Variants in ITPR2 observed in about 807,000 individuals in gnomAD.
ITPR2 encodes the protein inositol 1,4,5-trisphosphate receptor type 2.
ITPR2 carries 207 observed loss-of-function variants against 317.1 expected under a neutral mutation model. The observed-to-expected ratio is 0.65, with a 90% CI of 0.58 to 0.73. ITPR2 has a LOEUF of 0.73. Ranked by LOEUF, ITPR2 falls within the 30% of genes least tolerant of loss-of-function variation. ITPR2 has a pLI of 0.00. For missense variants in ITPR2, 2,613 were observed against 3,284.0 expected, an observed-to-expected ratio of 0.80 and a Z score of 4.99; for synonymous variants, 1,156 against 1,149.1, an observed-to-expected ratio of 1.01 and a Z score of -0.12.
intron 2 of ITPR2, 98 bp from the exon 3 acceptor site, chr12:26,725,863 TATA>T: frequency 1.3e-6 from 1 of 760,278 alleles, no homozygotes; most frequent in Non-Finnish European, 2.3e-6. Context: ...AATCCCTGAT[TATA>T]CAGAACAGTT....
At chr12:26,470,705 A>G (rs1167992419) in intron 45 of ITPR2, among the ~76,000 whole-genome samples, 4 of 152,212 alleles carry the variant, frequency 2.6e-5, no homozygotes, top group Admixed American at 2.0e-4. Flanking sequence ...TTTAGGATTC[A>G]GTAAGACAAG....
chr12:26,554,575 T>C (rs1481530825), intron 36 of ITPR2, among the ~76,000 whole-genome samples: 1 of 152,140 alleles, frequency 6.6e-6, no homozygotes, highest in Non-Finnish European at 1.5e-5. Context: ...TTTACAGAAA[T>C]GAGTAGCAGG....
Position 26,692,259 on chromosome 12 carries a change from G to T in ITPR2, c.996+3347C>A, listed in dbSNP as rs1028486726. 2.0e-5 allele frequency among the ~76,000 whole-genome samples: 3 copies of T among 152,320 alleles called. No individual in the cohort carries two copies. In the South Asian group the frequency reaches 6.2e-4, roughly 32 times the overall value. ...AGGGAATGATATTTGCCCCCAGGGG[G>T]CATTGGCAATTTCTGGGCACATTGT... On this transcript the variant is annotated intron_variant, in intron 10 of 56. Coordinates refer to ENST00000381340, the MANE Select transcript of ITPR2 (RefSeq NM_002223.4).
chr12:26,815,392 A>G (rs1950834648), intron 1 of ITPR2, among the ~76,000 whole-genome samples: 1 of 152,218 alleles, frequency 6.6e-6, no homozygotes, highest in Non-Finnish European at 1.5e-5. Flanking sequence ...AAAACATGCA[A>G]AAGATATTCT....
At chr12:26,404,643 C>T (rs1940289280) in intron 52 of ITPR2, among the ~76,000 whole-genome samples, 1 of 151,962 alleles carries the variant, frequency 6.6e-6, no homozygotes, top group African/African-American at 2.4e-5. Context: ...AAATTTGGTA[C>T]TGAAGGAAGG....
intron 55 of ITPR2, among the ~76,000 whole-genome samples, chr12:26,355,235 C>T (rs1351023690): frequency 6.6e-6 from 1 of 152,192 alleles, no homozygotes; most frequent in East Asian, 1.9e-4. Flanking sequence ...ACTCATCGTA[C>T]ATGCTGATTT....
intron 32 of ITPR2, among the ~76,000 whole-genome samples, chr12:26,581,192 T>C (rs1565618342): frequency 6.6e-6 from 1 of 152,186 alleles, no homozygotes; most frequent in African/African-American, 2.4e-5. Context: ...TGATATTGTT[T>C]TAAAAGCTTT....
At chr12:26,743,664 G>C (rs370415038) in intron 2 of ITPR2, among the ~76,000 whole-genome samples, 7 of 152,138 alleles carry the variant, frequency 4.6e-5, no homozygotes, top group Admixed American at 3.3e-4. Flanking sequence ...AGGCCGAGGC[G>C]GGGGGATCAC....
intron 47 of ITPR2, among the ~76,000 whole-genome samples, chr12:26,436,816 G>T (rs1349643310): frequency 6.6e-6 from 1 of 152,152 alleles, no homozygotes; most frequent in Non-Finnish European, 1.5e-5. Context: ...AAATTCCTAT[G>T]ACAGTCACAG....
At chr12:26,466,328 T>C (rs1942170202) in intron 45 of ITPR2, among the ~76,000 whole-genome samples, 1 of 152,192 alleles carries the variant, frequency 6.6e-6, no homozygotes, top group African/African-American at 2.4e-5. Context: ...AGTAAAAAGT[T>C]GGTCATTAAT....
intron 45 of ITPR2, among the ~76,000 whole-genome samples, chr12:26,453,705 T>A (rs943643867): frequency 6.6e-6 from 1 of 152,226 alleles, no homozygotes; most frequent in African/African-American, 2.4e-5. Flanking sequence ...GACCAGGTAA[T>A]ATTACTTGAG....
At chr12:26,703,276 A>G (rs1438248841) in intron 9 of ITPR2, among the ~76,000 whole-genome samples, 3 of 152,216 alleles carry the variant, frequency 2.0e-5, no homozygotes, top group Non-Finnish European at 4.4e-5. Context: ...AGTGGAAACA[A>G]TGGCAAAAGA....
At chr12:26,534,168 T>C (rs1296136163) in intron 37 of ITPR2, among the ~76,000 whole-genome samples, 1 of 152,232 alleles carries the variant, frequency 6.6e-6, no homozygotes, top group East Asian at 1.9e-4. Context: ...GGCTCTGTCA[T>C]GGGATAGTTC....
chr12:26,828,252 CACA>C (rs36040722), intron 1 of ITPR2, among the ~76,000 whole-genome samples: 30,217 of 152,056 alleles, frequency 0.2, 3,047 homozygotes, highest in Non-Finnish European at 0.22. Flanking sequence ...ATAATGACCC[CACA>C]ACAAGACAAT....
At chr12:26,472,444 T>C (rs1326345877) in intron 45 of ITPR2, among the ~76,000 whole-genome samples, 2 of 152,278 alleles carry the variant, frequency 1.3e-5, no homozygotes, top group East Asian at 3.9e-4. Context: ...TGGACCTTCG[T>C]TGCTCTACAA....
chr12:26,446,321 T>C (rs2136747021), intron 45 of ITPR2, among the ~76,000 whole-genome samples: 1 of 151,978 alleles, frequency 6.6e-6, no homozygotes, highest in Non-Finnish European at 1.5e-5. Context: ...ACGCATGGAG[T>C]AGAGAGTTGT....
intron 1 of ITPR2, among the ~76,000 whole-genome samples, chr12:26,810,521 G>A (rs1393060158): frequency 6.6e-6 from 1 of 152,184 alleles, no homozygotes; most frequent in African/African-American, 2.4e-5. Flanking sequence ...TTCCCTGACT[G>A]ACTCGATTCC....
intron 28 of ITPR2, among the ~76,000 whole-genome samples, chr12:26,601,917 T>A (rs1323290859): frequency 6.6e-6 from 1 of 152,188 alleles, no homozygotes; most frequent in East Asian, 1.9e-4. Context: ...CAAAGATGCC[T>A]AACTGTATTA....
intron 48 of ITPR2, among the ~76,000 whole-genome samples, chr12:26,433,429 G>GATGCCATGGGAATGTCTT (rs1372637951): frequency 6.6e-6 from 1 of 152,094 alleles, no homozygotes; most frequent in East Asian, 1.9e-4. Context: ...GGAGAAAATT[G>GATGCCATGGGAATGTCTT]ATGCCATGGG....
Sources: allele counts gnomAD v4.1 joint callset (sites outside exome capture counted in the v4.1 genomes callset), GRCh38; gene constraint gnomAD v4.1.1; transcripts MANE v1.5; gene names NCBI Gene and HGNC (gene_info 2026-07-23, HGNC 2026-07-21).